Variants in SGCD observed in about 807,000 individuals in gnomAD.
The protein encoded by SGCD is sarcoglycan delta, also known as delta-sarcoglycan.
In SGCD, 18 loss-of-function variants were observed where a neutral mutation model predicts 36.6. That is an observed-to-expected ratio of 0.49 (90% CI 0.34 to 0.73). The LOEUF is 0.73. SGCD is among the 30% of genes least tolerant of loss of function. The pLI is 0.01. For synonymous variants in SGCD, 133 were observed against 130.6 expected, an observed-to-expected ratio of 1.02 and a Z score of -0.12; for missense variants, 387 against 346.7, an observed-to-expected ratio of 1.12 and a Z score of -0.92.
At chr5:156,752,724 T>C (rs1476133230) in intron 7 of SGCD, among the ~76,000 whole-genome samples, 3 of 152,210 alleles carry the variant, frequency 2.0e-5, no homozygotes, top group African/African-American at 7.2e-5. Context: ...ATATTTATAA[T>C]TTTATATTAT....
chr5:156,450,649 A>G (rs371552991), intron 3 of SGCD, among the ~76,000 whole-genome samples: 2 of 152,002 alleles, frequency 1.3e-5, no homozygotes, highest in Non-Finnish European at 2.9e-5. Flanking sequence ...ATTGTTTTCT[A>G]TTGTTATGGT....
the SGCD span, among the ~76,000 whole-genome samples, chr5:155,769,979 T>A: frequency 1.2e-3 from 188 of 152,266 alleles, 1 homozygote; most frequent in Non-Finnish European, 1.5e-3. Flanking sequence ...TTCATAGGAC[T>A]TGCTTCTCCA....
intron 1 of SGCD, among the ~76,000 whole-genome samples, chr5:156,037,694 T>G (rs902748201): frequency 3.3e-5 from 5 of 152,192 alleles, no homozygotes; most frequent in African/African-American, 1.2e-4. Context: ...AGTCATTGTC[T>G]TTTTAAAGAA....
chr5:156,040,299 C>T (rs1033771799), intron 1 of SGCD, among the ~76,000 whole-genome samples: 7 of 152,180 alleles, frequency 4.6e-5, no homozygotes, highest in Admixed American at 3.3e-4. Flanking sequence ...TAAGCCTTGG[C>T]GTCTCCGACA....
chr5:156,655,227 G>A (rs761975793), intron 7 of SGCD, among the ~76,000 whole-genome samples: 2 of 152,112 alleles, frequency 1.3e-5, no homozygotes, highest in African/African-American at 2.4e-5. Flanking sequence ...AATCAAACAT[G>A]AGAAAATTAC....
intron 7 of SGCD, among the ~76,000 whole-genome samples, chr5:156,738,827 A>AAGAC: frequency 6.6e-6 from 1 of 152,366 alleles, no homozygotes; most frequent in East Asian, 1.9e-4. Flanking sequence ...TGCTACAAAG[A>AAGAC]AGACACCAAT....
chr5:156,316,292 G>A (rs1036218877), intron 3 of SGCD, among the ~76,000 whole-genome samples: 3 of 151,738 alleles, frequency 2.0e-5, no homozygotes, highest in African/African-American at 7.3e-5. Context: ...ATAAAACATT[G>A]GCGAATGAAA....
chr5:155,823,062 ATATCTATCTATCTATCTATC>A, the SGCD span, among the ~76,000 whole-genome samples: 44 of 145,282 alleles, frequency 3.0e-4, no homozygotes, highest in South Asian at 7.0e-4. Flanking sequence ...CTATATCTCT[ATATCTATCTATCTATCTATC>A]TATCTATCTA....
intron 6 of SGCD, among the ~76,000 whole-genome samples, chr5:156,629,105 A>C (rs1447986373): frequency 6.6e-6 from 1 of 152,214 alleles, no homozygotes; most frequent in Non-Finnish European, 1.5e-5. Context: ...GAGTATCTAA[A>C]TGTTGTTATA....
intron 3 of SGCD, among the ~76,000 whole-genome samples, chr5:156,245,706 T>C (rs1361609787): frequency 6.6e-6 from 1 of 151,820 alleles, no homozygotes; most frequent in Non-Finnish European, 1.5e-5. Flanking sequence ...AATAACACCA[T>C]GGGGATGCAA....
chr5:155,768,977 G>A, the SGCD span, among the ~76,000 whole-genome samples: 8 of 152,216 alleles, frequency 5.3e-5, no homozygotes, highest in Middle Eastern at 0.01. Flanking sequence ...GTTCATTGCA[G>A]TATTGCTTAT....
In SGCD at chr5:156,344,666, A is replaced by G. The variant is rs1218958411; in HGVS notation, c.181A>G (p.Asn61Asp). Residue 61 changes from asparagine to aspartate, a missense_variant, in exon 3 of 9, where the codon AAC becomes GAC. Physicochemically the swap from Asn to Asp is conservative, Grantham distance 23 (BLOSUM62 1). Transcript: ENST00000337851. ...AMTIWILKVM[N>D]FTIDGMGNLR... is the part of the protein sequence containing the mutation. Reference sequence around the variant, plus strand: ...GACCATCTGGATTCTCAAAGTCATGAACTTCACAATTGTAAGTAAAACCAT... The same window carrying G: ...GACCATCTGGATTCTCAAAGTCATGGACTTCACAATTGTAAGTAAAACCAT... 6.2e-7 allele frequency: 1 copy of G among 1,602,030 alleles called. No homozygotes were observed. The highest frequency in any genetic ancestry group is 8.5e-7 in the Non-Finnish European group (1 of 1,174,584).
intron 7 of SGCD, among the ~76,000 whole-genome samples, chr5:156,745,701 CAG>C (rs1352183939): frequency 6.6e-6 from 1 of 151,520 alleles, no homozygotes; most frequent in Non-Finnish European, 1.5e-5. Context: ...AATAAATTAA[CAG>C]AGTAAAAAAT....
rs1412814368 is a variant in SGCD at position 156,647,529 on chromosome 5, G to A, written c.568G>A (p.Glu190Lys). 1.3e-6 allele frequency: 2 copies of A among 1,574,208 alleles called. No homozygotes were observed. Among genetic ancestry groups the A allele is most frequent in the South Asian group, 2.3e-5 (2 of 86,010 alleles). The change falls in exon 7 of 9, where the codon GAA becomes AAA. Residue 190 changes from glutamate to lysine, a missense_variant. Glu to Lys is a moderately conservative substitution (Grantham distance 56). Coordinates refer to ENST00000337851, the MANE Select transcript of SGCD (RefSeq NM_000337.6). ...TPNVRADPFKELRLESPTRSL... is the reference protein window; with the variant it reads ...TPNVRADPFKKLRLESPTRSL... ...TAATGTCAGGGCAGACCCCTTCAAA[G>A]AACTAAGGTAAACTTCTGACTTTGG... is the stretch of plus-strand genomic sequence containing the variant.
At chr5:156,003,992 A>G (rs1211975305) in intron 1 of SGCD, among the ~76,000 whole-genome samples, 2 of 152,234 alleles carry the variant, frequency 1.3e-5, no homozygotes, top group Non-Finnish European at 2.9e-5. Context: ...TTGAAAGCAA[A>G]TAGCCTATCT....
intron 4 of SGCD, among the ~76,000 whole-genome samples, chr5:156,555,851 A>C (rs1758998460): frequency 6.6e-6 from 1 of 151,548 alleles, no homozygotes; most frequent in African/African-American, 2.4e-5. Context: ...TAGCTCTTTA[A>C]TTTCTTTTAG....
intron 2 of SGCD, among the ~76,000 whole-genome samples, chr5:156,334,611 T>TTC (rs796945943): frequency 5.0e-4 from 25 of 50,282 alleles, no homozygotes; most frequent in African/African-American, 1.7e-3. Flanking sequence ...TCTATTTTCT[T>TTC]TTTTTTTTTT....
At chr5:155,848,815 A>G in the SGCD span, among the ~76,000 whole-genome samples, 1 of 152,212 alleles carries the variant, frequency 6.6e-6, no homozygotes, top group African/African-American at 2.4e-5. Context: ...AAAACAAGAA[A>G]CAGAGGGAAG....
chr5:155,926,029 C>T (rs1756991907), intron 1 of SGCD, among the ~76,000 whole-genome samples: 1 of 152,036 alleles, frequency 6.6e-6, no homozygotes, highest in Non-Finnish European at 1.5e-5. Flanking sequence ...TCCCAAAGTA[C>T]TGACATTATA....
Sources: gnomAD v4.1 joint callset for allele counts (sites outside exome capture counted in the v4.1 genomes callset) on GRCh38, gnomAD v4.1.1 for gene constraint, MANE v1.5 for transcripts, NCBI Gene and HGNC (gene_info 2026-07-23, HGNC 2026-07-21) for gene names.